Variants in RPL15 observed in about 807,000 individuals in gnomAD.
RPL15 encodes large ribosomal subunit protein eL15.
For synonymous variants in RPL15, 97 were observed against 95.1 expected (o/e 1.02, Z -0.12); for missense variants, 161 against 271.8 (o/e 0.59, Z 2.87).
In RPL15 at chr3:23,919,863, C is replaced by T. The variant is rs1575122396; in HGVS notation, c.*362C>T. 1 of 1,006,502 alleles carries T rather than the reference C, an allele frequency of 9.9e-7. No individual in the cohort carries two copies. The highest frequency in any genetic ancestry group is 1.2e-6 in the Non-Finnish European group (1 of 844,056). The allele number at this position is 1,006,502 out of a possible 1,614,324, so 62.3% of individuals were successfully genotyped here. A position where few individuals can be genotyped will look rare whatever the true frequency, so the allele number is the denominator to read the frequency against. ...CAGCTTTATCGGAGTGATGGCAATG[C>T]TCTGCTGGTTTATTTTCAAGTGGCT... On this transcript the variant is annotated 3_prime_UTR_variant, in exon 4 of 4. Coordinates refer to ENST00000307839, the MANE Select transcript of RPL15 (RefSeq NM_002948.5).
At position 23,919,856 on chromosome 3, in the gene RPL15, G is replaced by C. The variant is rs1704973660; in HGVS notation, c.*355G>C. 9.9e-7 allele frequency: 1 copy of C among 1,013,624 alleles called. No individual in the cohort carries two copies. Among genetic ancestry groups the C allele is most frequent in the African/African-American group, 1.7e-5 (1 of 58,404 alleles). 62.8% of individuals were successfully genotyped at this position (1,013,624 alleles called of 1,614,324 possible). On this transcript the variant is annotated 3_prime_UTR_variant, in exon 4 of 4. Coordinates refer to ENST00000307839, the MANE Select transcript of RPL15 (RefSeq NM_002948.5). ...AAACCTGCAGCTTTATCGGAGTGAT[G>C]GCAATGCTCTGCTGGTTTATTTTCA...
In RPL15 at chr3:23,920,433, A is replaced by C; in HGVS notation, c.*932A>C. ...TTATTTCTCTTGTTCTGGCCAAACAACCCTAAAAATCCTTACCATTCCACA... is the reference window on the plus strand; with the variant it reads ...TTATTTCTCTTGTTCTGGCCAAACACCCCTAAAAATCCTTACCATTCCACA... On this transcript the variant is annotated 3_prime_UTR_variant, in exon 4 of 4. Transcript: ENST00000307839. The C allele has an allele frequency of 1.0e-6, 1 of 985,292 alleles. No homozygotes were observed. The highest frequency in any genetic ancestry group is 1.2e-6 in the Non-Finnish European group (1 of 829,928). 61.0% of individuals were successfully genotyped at this position (985,292 alleles called of 1,614,324 possible). A position where few individuals can be genotyped will look rare whatever the true frequency, so the allele number is the denominator to read the frequency against.
chr3:23,918,236 A>T, intron 2 of RPL15: 1 of 910,996 alleles, frequency 1.1e-6, no homozygotes, highest in South Asian at 1.8e-5. Flanking sequence ...ATGAGTTCAG[A>T]CTAAAGCAAA....
At chr3:23,917,792 A>G in intron 1 of RPL15, 58 bp from the exon 2 acceptor site, 1 of 1,490,046 alleles carries the variant, frequency 6.7e-7, no homozygotes, top group Non-Finnish European at 9.1e-7. Context: ...ATGGACGGAT[A>G]CAGTCGTCTT....
At chr3:23,916,783 C>T (rs559852746), upstream of RPL15, 1 of 152,904 alleles carries the variant, frequency 6.5e-6, no homozygotes, top group African/African-American at 2.4e-5. Flanking sequence ...GTGAAACAAA[C>T]CTGTTCTCTC....
chr3:23,918,659 C>G (rs1704857716), intron 3 of RPL15, 83 bp downstream of exon 3: 1 of 1,470,666 alleles, frequency 6.8e-7, no homozygotes, highest in Non-Finnish European at 9.2e-7. Flanking sequence ...TCTGATTGTA[C>G]TTAGGTGAGC....
Position 23,920,422 on chromosome 3 carries a change from C to G in RPL15, c.*921C>G. 1 of 985,400 alleles carries G rather than the reference C, an allele frequency of 1.0e-6. No individual in the cohort carries two copies. Among genetic ancestry groups the G allele is most frequent in the Non-Finnish European group, 1.2e-6 (1 of 829,920 alleles). 61.0% of individuals were successfully genotyped at this position (985,400 alleles called of 1,614,324 possible). ...GTTTTCTGCAGTTATTTCTCTTGTT[C>G]TGGCCAAACAACCCTAAAAATCCTT... On this transcript the variant is annotated 3_prime_UTR_variant, in exon 4 of 4. Coordinates refer to ENST00000307839, the MANE Select transcript of RPL15 (RefSeq NM_002948.5).
At position 23,920,351 on chromosome 3, in the gene RPL15, A is replaced by G. The variant is rs1705008655; in HGVS notation, c.*850A>G. ...TGGGTTACCCACTCTGTCCACTCCCATAGGCTACAGAAAAAGTCACAAGCG... is the reference window on the plus strand; with the variant it reads ...TGGGTTACCCACTCTGTCCACTCCCGTAGGCTACAGAAAAAGTCACAAGCG... On this transcript the variant is annotated 3_prime_UTR_variant, in exon 4 of 4. Coordinates refer to ENST00000307839, the MANE Select transcript of RPL15 (RefSeq NM_002948.5). The G allele has an allele frequency of 1.0e-6, 1 of 985,528 alleles. No homozygotes were observed. Among genetic ancestry groups the G allele is most frequent in the Non-Finnish European group, 1.2e-6 (1 of 829,880 alleles). The allele number at this position is 985,528 out of a possible 1,614,324, so 61.0% of individuals were successfully genotyped here.
In RPL15 at chr3:23,920,794, A is replaced by C. The variant is rs1384275898; in HGVS notation, c.*1293A>C. 1 of 961,790 alleles carries C rather than the reference A, an allele frequency of 1.0e-6. No individual in the cohort carries two copies. The highest frequency in any genetic ancestry group is 4.8e-5 in the South Asian group (1 of 20,758). The allele number at this position is 961,790 out of a possible 1,614,324, so 59.6% of individuals were successfully genotyped here. On this transcript the variant is annotated 3_prime_UTR_variant, in exon 4 of 4. Transcript: ENST00000307839. ...AAAAGATCTTAAGTCATACATTTTA[A>C]TTGTGTAGAGGTTGTTCAACTGAAG...
At position 23,920,523 on chromosome 3, in the gene RPL15, T is replaced by G. The variant is rs2125258413; in HGVS notation, c.*1022T>G. The G allele has an allele frequency of 2.0e-6, 2 of 985,352 alleles. No individual in the cohort carries two copies. Among genetic ancestry groups the G allele is most frequent in the Admixed American group, 1.2e-4 (2 of 16,274 alleles). The allele number at this position is 985,352 out of a possible 1,614,324, so 61.0% of individuals were successfully genotyped here. On this transcript the variant is annotated 3_prime_UTR_variant, in exon 4 of 4. Transcript: ENST00000307839. ...TATACCACCACATTGCATTTCTGTTTGCACCATGTCTTCCAGGAGACTAGA... is the reference window on the plus strand; with the variant it reads ...TATACCACCACATTGCATTTCTGTTGGCACCATGTCTTCCAGGAGACTAGA...
intron 1 of RPL15, 30 bp from the exon 2 acceptor site, chr3:23,917,820 T>G (rs374895871): frequency 7.0e-6 from 11 of 1,576,312 alleles, no homozygotes; most frequent in Non-Finnish European, 9.5e-6. Flanking sequence ...TTAAAGCGGA[T>G]GATATTTAAT....
At chr3:23,918,350 A>G (rs1704811747) in intron 2 of RPL15, 90 bp from the exon 3 acceptor site, 2 of 1,423,522 alleles carry the variant, frequency 1.4e-6, no homozygotes, top group Non-Finnish European at 1.9e-6. Context: ...CTGTTGAAGT[A>G]TTTTTGGTGG....
At position 23,920,592 on chromosome 3, in the gene RPL15, C is replaced by T. The variant is rs556756065; in HGVS notation, c.*1091C>T. ...AATTTGAGTGTAAAGAAAATGTAGA[C>T]AAGGAATTGCCCAATTTTAAATTCT... On this transcript the variant is annotated 3_prime_UTR_variant, in exon 4 of 4. Coordinates refer to ENST00000307839, the MANE Select transcript of RPL15 (RefSeq NM_002948.5). 1.5e-4 allele frequency: 150 copies of T among 984,956 alleles called. No homozygotes were observed. The highest frequency in any genetic ancestry group is 1.7e-4 in the Non-Finnish European group (145 of 829,664). The allele number at this position is 984,956 out of a possible 1,614,324, so 61.0% of individuals were successfully genotyped here.
At chr3:23,923,768 C>A (rs954816769), downstream of RPL15, 9 of 152,270 alleles carry the variant, frequency 5.9e-5, no homozygotes, top group African/African-American at 2.2e-4. Context: ...AAAAGTTGAA[C>A]CAATTTTCAC....
At chr3:23,919,139 G>A (rs1383001974) in intron 3 of RPL15, 57 bp from the exon 4 acceptor site, 5 of 1,199,102 alleles carry the variant, frequency 4.2e-6, no homozygotes, top group Non-Finnish European at 6.1e-6. Flanking sequence ...AATTCTTTCT[G>A]ACTTGCTGCT....
downstream of RPL15, among the ~76,000 whole-genome samples, chr3:23,921,256 A>G (rs1705065096): frequency 6.6e-6 from 1 of 151,782 alleles, no homozygotes; most frequent in Non-Finnish European, 1.5e-5. Context: ...TTATCTCCAC[A>G]CAGTAGTCCA....
rs1440614507 is a variant in RPL15, at chr3:23,918,519, T to C, written c.252T>C (p.Pro84=). The part of the protein sequence containing the change: ...PVPKGATYGK[P]VHHGVNQLKF... Reference sequence around the variant, plus strand: ...CTAAGGGTGCAACTTACGGCAAGCCTGTCCATCATGGTGTTAACCAGCTAA... The same window carrying C: ...CTAAGGGTGCAACTTACGGCAAGCCCGTCCATCATGGTGTTAACCAGCTAA... The change falls in exon 3 of 4, where the codon CCT becomes CCC. Residue 84 remains proline, a synonymous_variant. Transcript: ENST00000307839. 3 of 1,614,034 alleles carry C rather than the reference T, an allele frequency of 1.9e-6. No individual in the cohort carries two copies. Among genetic ancestry groups the C allele is most frequent in the Non-Finnish European group, 2.5e-6 (3 of 1,179,908 alleles).
downstream of RPL15, chr3:23,921,849 A>T (rs1705098517): frequency 1.3e-5 from 7 of 522,048 alleles, no homozygotes; most frequent in Middle Eastern, 5.0e-4. Context: ...TGCTGGGATT[A>T]CAGGCGTGAG....
At chr3:23,918,673 C>T in intron 3 of RPL15, 97 bp downstream of exon 3, 2 of 1,388,166 alleles carry the variant, frequency 1.4e-6, no homozygotes, top group Non-Finnish European at 2.0e-6. Context: ...GGTGAGCTGT[C>T]TCGTATATAA....
Sources: gnomAD v4.1 joint callset for allele counts (sites outside exome capture counted in the v4.1 genomes callset) on GRCh38, gnomAD v4.1.1 for gene constraint, MANE v1.5 for transcripts, NCBI Gene and HGNC (gene_info 2026-07-23, HGNC 2026-07-21) for gene names.